Variants in LPL observed in about 807,000 individuals in gnomAD.
LPL encodes lipoprotein lipase.
A neutral mutation model predicts 52.2 loss-of-function variants in LPL; 43 were observed. The ratio of observed to expected loss-of-function variants is 0.82; its 90% CI spans 0.64 to 1.06. LPL has a LOEUF of 1.06. LPL is among the 50% of genes least tolerant of loss of function. The pLI is 0.00. For missense variants in LPL, 639 were observed against 585.3 expected (o/e 1.09, Z -0.95); for synonymous variants, 244 against 215.6 (o/e 1.13, Z -1.15).
At chr8:19,964,416 A>G (rs544669873) in intron 9 of LPL, among the ~76,000 whole-genome samples, 1 of 152,332 alleles carries the variant, frequency 6.6e-6, no homozygotes, top group South Asian at 2.1e-4. Flanking sequence ...TATTTTTTAT[A>G]TGTTACAAGA....
chr8:19,949,428 C>T (rs2069912964), intron 2 of LPL, among the ~76,000 whole-genome samples: 1 of 152,170 alleles, frequency 6.6e-6, no homozygotes, highest in African/African-American at 2.4e-5. Context: ...GTGATAAAAT[C>T]TCAAATTCCT....
chr8:19,940,532 G>A (rs2069828743), intron 1 of LPL, among the ~76,000 whole-genome samples: 1 of 152,256 alleles, frequency 6.6e-6, no homozygotes, highest in Non-Finnish European at 1.5e-5. Context: ...GTCCGCAATG[G>A]AGGCAGCCTG....
rs191751442 is a variant in LPL, at chr8:19,966,831, T to C, written c.*1521T>C. On this transcript the variant is annotated 3_prime_UTR_variant, in exon 10 of 10. Coordinates refer to ENST00000650287, the MANE Select transcript of LPL (RefSeq NM_000237.3). ...CATCAGGCTTGGAATGAATTCTCTCTAAAAATAAAATGATGTATGATTTGT... is the reference window on the plus strand; with the variant it reads ...CATCAGGCTTGGAATGAATTCTCTCCAAAAATAAAATGATGTATGATTTGT... 9 of 152,444 alleles carry C rather than the reference T, an allele frequency of 5.9e-5. No individual in the cohort carries two copies. In the East Asian group the frequency reaches 1.5e-3, roughly 26 times the overall value. 9.4% of individuals were successfully genotyped at this position (152,444 alleles called of 1,614,324 possible). A position where few individuals can be genotyped will look rare whatever the true frequency, so the allele number is the denominator to read the frequency against.
intron 1 of LPL, among the ~76,000 whole-genome samples, chr8:19,947,008 T>C (rs533193395): frequency 1.2e-4 from 19 of 152,328 alleles, no homozygotes; most frequent in African/African-American, 3.8e-4. Context: ...GTGTGGAACA[T>C]TGTAATGACA....
At chr8:19,941,263 T>TA (rs1467376595) in intron 1 of LPL, among the ~76,000 whole-genome samples, 1 of 152,246 alleles carries the variant, frequency 6.6e-6, no homozygotes, top group East Asian at 1.9e-4. Context: ...TCGTACTGCT[T>TA]AATGCTGACA....
In LPL at chr8:19,939,417, TCCTCCAGAGGGACGCGC is replaced by T. The variant is rs776721089; in HGVS notation, c.-21_-5del. 6.3e-7 allele frequency: 1 copy of T among 1,593,432 alleles called. No individual in the cohort carries two copies. Among genetic ancestry groups the T allele is most frequent in the South Asian group, 1.1e-5 (1 of 88,448 alleles). On this transcript the variant is annotated 5_prime_UTR_variant, in exon 1 of 10. Transcript: ENST00000650287. This position sits in a 1 kb window ranked among gnomAD's most constrained non-coding sequence, Gnocchi z 4.0. ...CATCAGTCGGTCCGCGCCTTGCAGC[TCCTCCAGAGGGACGCGC>T]CCCGAGATGGAGAGCAAAGCCCTGC...
chr8:19,945,672 A>G (rs1018989449), intron 1 of LPL, among the ~76,000 whole-genome samples: 2 of 152,190 alleles, frequency 1.3e-5, no homozygotes, highest in African/African-American at 4.8e-5. Context: ...TAGTCATTTC[A>G]AAGAAAATTT....
At chr8:19,953,534 A>G (rs2069953851) in intron 4 of LPL, 113 bp downstream of exon 4, 2 of 747,006 alleles carry the variant, frequency 2.7e-6, no homozygotes, top group Non-Finnish European at 4.7e-6. Context: ...CTTCCCGGAG[A>G]CATGACCAGC....
chr8:19,939,284 C>A lies in LPL; in HGVS notation c.-157C>A. 1.5e-6 allele frequency: 1 copy of A among 650,358 alleles called. No homozygotes were observed. The highest frequency in any genetic ancestry group is 1.8e-5 in the South Asian group (1 of 55,792). 40.3% of individuals were successfully genotyped at this position (650,358 alleles called of 1,614,324 possible). On this transcript the variant is annotated 5_prime_UTR_variant, in exon 1 of 10. Transcript: ENST00000650287. This position sits in a 1 kb window ranked among gnomAD's most constrained non-coding sequence, Gnocchi z 4.0. Reference sequence around the variant, plus strand: ...CTCGATTCCCCCTCTTCCTCCTCCTCAAGGGAAAGCTGCCCACTTCTAGCT... The same window carrying A: ...CTCGATTCCCCCTCTTCCTCCTCCTAAAGGGAAAGCTGCCCACTTCTAGCT...
At chr8:19,948,099 TG>T in intron 1 of LPL, 80 bp from the exon 2 acceptor site, 1 of 1,456,016 alleles carries the variant, frequency 6.9e-7, no homozygotes, top group South Asian at 1.1e-5. Context: ...GGTGGTTGCC[TG>T]TGAACCTAAA....
chr8:19,953,529 C>A, intron 4 of LPL, 108 bp downstream of exon 4: 3 of 765,908 alleles, frequency 3.9e-6, no homozygotes, highest in East Asian at 2.6e-5. Flanking sequence ...GTGTTCTTCC[C>A]GGAGACATGA....
rs1407114060 is a variant in LPL, at chr8:19,954,216, C to G, written c.638C>G (p.Thr213Ser). ...TTTGTAGACGTCTTACACACATTCA[C>G]CAGAGGGTCCCCTGGTCGAAGCATT... ...ADFVDVLHTF[T>S]RGSPGRSIGI... Residue 213 changes from threonine to serine, a missense_variant, in exon 5 of 10, where the codon ACC becomes AGC. Transcript: ENST00000650287. The G allele has an allele frequency of 6.2e-7, 1 of 1,614,146 alleles. No homozygotes were observed. Among genetic ancestry groups the G allele is most frequent in the African/African-American group, 1.3e-5 (1 of 75,034 alleles).
rs1233104280 is a variant in LPL, at chr8:19,939,894, T to C, written c.88+366T>C. On this transcript the variant is annotated intron_variant, in intron 1 of 9. Coordinates refer to ENST00000650287, the MANE Select transcript of LPL (RefSeq NM_000237.3). This position sits in a 1 kb window ranked among gnomAD's most constrained non-coding sequence, Gnocchi z 4.0. The stretch of plus-strand genomic sequence containing the variant: ...AGTAAGGGCCCGGCTGGCGGTGACC[T>C]GCAGTCACCTCTCTGCCGGAGGGGC... 6.6e-6 allele frequency among the ~76,000 whole-genome samples: 1 copy of C among 152,130 alleles called. No homozygotes were observed. The highest frequency in any genetic ancestry group is 1.5e-5 in the Non-Finnish European group (1 of 68,008).
chr8:19,959,925 G>A (rs1357654964), intron 7 of LPL, among the ~76,000 whole-genome samples: 10 of 151,370 alleles, frequency 6.6e-5, no homozygotes, highest in African/African-American at 2.2e-4. Context: ...AGTAGCTGGG[G>A]CTGCAGGTGC....
At chr8:19,949,594 T>C (rs564667575) in intron 2 of LPL, among the ~76,000 whole-genome samples, 4 of 152,196 alleles carry the variant, frequency 2.6e-5, no homozygotes, top group Admixed American at 1.3e-4. Context: ...GAGATTCTCC[T>C]GCCTCAGCCT....
At chr8:19,961,135 G>A in intron 8 of LPL, 52 bp downstream of exon 8, 1 of 1,544,280 alleles carries the variant, frequency 6.5e-7, no homozygotes, top group Non-Finnish European at 8.9e-7. Flanking sequence ...CTGATGTCAG[G>A]ACCTAGGGGC....
In LPL at chr8:19,957,802, A is replaced by C. The variant is rs578042256; in HGVS notation, c.1019-1458A>C. Reference sequence around the variant, plus strand: ...TCAGAAGTTCACAACATTTATTAAAAATTTTTTCACCTGGACAAGAGTCTA... The same window carrying C: ...TCAGAAGTTCACAACATTTATTAAACATTTTTTCACCTGGACAAGAGTCTA... On this transcript the variant is annotated intron_variant, in intron 6 of 9. Transcript: ENST00000650287. 5.4e-4 allele frequency among the ~76,000 whole-genome samples: 82 copies of C among 152,200 alleles called. 3 individuals are homozygous for C. The South Asian group carries it at 0.017, about 31-fold the overall frequency.
At chr8:19,960,572 G>C (rs535805341) in intron 7 of LPL, among the ~76,000 whole-genome samples, 1 of 152,290 alleles carries the variant, frequency 6.6e-6, no homozygotes, top group South Asian at 2.1e-4. Flanking sequence ...TGCTATGATT[G>C]TAGCTAAATA....
intron 1 of LPL, among the ~76,000 whole-genome samples, chr8:19,943,728 C>G (rs1383165549): frequency 6.6e-6 from 1 of 152,186 alleles, no homozygotes; most frequent in Non-Finnish European, 1.5e-5. Context: ...ACTTGATGGT[C>G]TCATTCAGTG....
Sources: allele counts gnomAD v4.1 joint callset (sites outside exome capture counted in the v4.1 genomes callset), GRCh38; gene constraint gnomAD v4.1.1; non-coding constraint Gnocchi (gnomAD v3.1); transcripts MANE v1.5; gene names NCBI Gene and HGNC (gene_info 2026-07-23, HGNC 2026-07-21).